STXBP5L: variants seen among roughly 807,000 people sequenced by gnomAD.
STXBP5L encodes syntaxin-binding protein 5-like.
A neutral mutation model predicts 144.5 loss-of-function variants in STXBP5L; 65 were observed. That is an observed-to-expected ratio of 0.45 (90% confidence interval 0.37 to 0.55). STXBP5L has a LOEUF of 0.55. STXBP5L is among the 20% of genes least tolerant of loss of function. The pLI is 0.00. For missense variants in STXBP5L, 1,298 were observed against 1,405.5 expected (o/e 0.92, Z 1.22); for synonymous variants, 505 against 469.6 (o/e 1.08, Z -0.97).
chr3:120,923,540 T>A (rs1709458805), intron 2 of STXBP5L, among the ~76,000 whole-genome samples: 1 of 152,090 alleles, frequency 6.6e-6, no homozygotes, highest in Non-Finnish European at 1.5e-5. Context: ...GTATTTCCAT[T>A]TTCATTTGTT....
chr3:121,095,909 T>C (rs1378710064), intron 5 of STXBP5L, among the ~76,000 whole-genome samples: 1 of 152,152 alleles, frequency 6.6e-6, no homozygotes, highest in Non-Finnish European at 1.5e-5. Flanking sequence ...TTCCCCATCT[T>C]TGTGATTTTA....
intron 9 of STXBP5L, among the ~76,000 whole-genome samples, chr3:121,201,188 G>A (rs2048123581): frequency 6.6e-6 from 1 of 152,134 alleles, no homozygotes; most frequent in African/African-American, 2.4e-5. Flanking sequence ...ATCCCAGTAT[G>A]TGGATACCAC....
chr3:121,077,881 A>T (rs1279389926), intron 5 of STXBP5L, among the ~76,000 whole-genome samples: 2 of 152,064 alleles, frequency 1.3e-5, no homozygotes, highest in African/African-American at 4.8e-5. Flanking sequence ...TGGTGTGTTT[A>T]CAAACCTTGA....
intron 5 of STXBP5L, among the ~76,000 whole-genome samples, chr3:121,079,628 A>G (rs537491278): frequency 5.3e-5 from 8 of 152,310 alleles, no homozygotes; most frequent in African/African-American, 1.4e-4. Context: ...CATGATTTGT[A>G]TAGTTTTGAA....
At chr3:121,208,034 G>GT (rs1250338535) in intron 10 of STXBP5L, among the ~76,000 whole-genome samples, 7 of 151,982 alleles carry the variant, frequency 4.6e-5, no homozygotes, top group Non-Finnish European at 7.4e-5. Context: ...ACATGCACAT[G>GT]TATGTTTATT....
intron 19 of STXBP5L, among the ~76,000 whole-genome samples, chr3:121,295,744 T>TGTA (rs1441556012): frequency 6.6e-6 from 1 of 152,182 alleles, no homozygotes; most frequent in East Asian, 1.9e-4. Flanking sequence ...GATAGTCTAC[T>TGTA]GACACCTACA....
At chr3:121,353,827 T>C (rs1271564772) in intron 20 of STXBP5L, among the ~76,000 whole-genome samples, 1 of 152,256 alleles carries the variant, frequency 6.6e-6, no homozygotes, top group Non-Finnish European at 1.5e-5. Context: ...TTTAGTGCTA[T>C]ACATTTCCCT....
At chr3:121,392,318 G>A (rs116834226) in intron 22 of STXBP5L, among the ~76,000 whole-genome samples, 5,436 of 152,190 alleles carry the variant, frequency 0.036, 145 homozygotes, top group Middle Eastern at 0.082. Flanking sequence ...AGCTTCCCTT[G>A]GCTAGGAAAG....
At chr3:121,045,204 T>C (rs575180875) in intron 4 of STXBP5L, among the ~76,000 whole-genome samples, 1 of 152,246 alleles carries the variant, frequency 6.6e-6, no homozygotes, top group African/African-American at 2.4e-5. Context: ...AAATAAATAT[T>C]CCTTAAGCTA....
chr3:121,265,788 A>G (rs1156916269), intron 18 of STXBP5L, among the ~76,000 whole-genome samples: 2 of 152,110 alleles, frequency 1.3e-5, no homozygotes. Context: ...GATAAAGGGG[A>G]TATCACCTCT....
At chr3:121,048,887 C>A (rs916379167) in intron 5 of STXBP5L, among the ~76,000 whole-genome samples, 11 of 152,094 alleles carry the variant, frequency 7.2e-5, no homozygotes, top group Non-Finnish European at 1.0e-4. Flanking sequence ...GGCATGTGGA[C>A]AAGTCTGGCT....
At chr3:121,066,001 A>G (rs2041526074) in intron 5 of STXBP5L, among the ~76,000 whole-genome samples, 1 of 152,170 alleles carries the variant, frequency 6.6e-6, no homozygotes, top group Non-Finnish European at 1.5e-5. Flanking sequence ...TTCAAAACCA[A>G]TAAGGGTGTG....
intron 3 of STXBP5L, among the ~76,000 whole-genome samples, chr3:120,971,807 T>A (rs1009942673): frequency 6.6e-6 from 1 of 151,624 alleles, no homozygotes; most frequent in Admixed American, 6.6e-5. Context: ...CACATATATA[T>A]ATATGTCTGT....
intron 10 of STXBP5L, among the ~76,000 whole-genome samples, 161 bp downstream of exon 10, chr3:121,206,162 G>T (rs1298809565): frequency 6.6e-6 from 1 of 152,034 alleles, no homozygotes; most frequent in East Asian, 1.9e-4. Context: ...TATCTCTGAT[G>T]ATTATTATTA....
intron 3 of STXBP5L, among the ~76,000 whole-genome samples, chr3:121,026,960 G>A (rs1210037516): frequency 6.6e-6 from 1 of 151,890 alleles, no homozygotes; most frequent in African/African-American, 2.4e-5. Context: ...GAAGCTCTGA[G>A]TAGACTTCTT....
At chr3:121,289,620 G>A (rs2051353954) in intron 19 of STXBP5L, among the ~76,000 whole-genome samples, 1 of 152,056 alleles carries the variant, frequency 6.6e-6, no homozygotes, top group Non-Finnish European at 1.5e-5. Flanking sequence ...TGAGCACATG[G>A]AACATTAACC....
rs1273804231 is a variant in STXBP5L at position 121,113,666 on chromosome 3, C to CTTTTTTTT, written c.471-1254_471-1253insTTTTTTTT. Among the ~76,000 whole-genome samples the CTTTTTTTT allele has an allele frequency of 3.0e-3, 399 of 132,786 alleles. 1 individual carries two copies. The highest frequency in any genetic ancestry group is 4.9e-3 in the African/African-American group (174 of 35,688). The allele number at this position is 132,786 out of a possible 152,430, so 87.1% of individuals were successfully genotyped here. A position where few individuals can be genotyped will look rare whatever the true frequency, so the allele number is the denominator to read the frequency against. On this transcript the variant is annotated intron_variant, in intron 5 of 26. Coordinates refer to ENST00000471454, the MANE Select transcript of STXBP5L (RefSeq NM_001308330.2). The stretch of plus-strand genomic sequence containing the variant: ...TGGATGTTCACTTTTATTCTTTTTT[C>CTTTTTTTT]TTTTTCTTTTTTTTTTTTTTTTTTG...
intron 6 of STXBP5L, among the ~76,000 whole-genome samples, chr3:121,116,549 C>G (rs1378400606): frequency 1.3e-5 from 2 of 152,008 alleles, no homozygotes; most frequent in African/African-American, 4.8e-5. Flanking sequence ...AAAGTAAATA[C>G]TAAATGATTG....
intron 14 of STXBP5L, among the ~76,000 whole-genome samples, chr3:121,250,332 A>C (rs2049990262): frequency 6.6e-6 from 1 of 151,934 alleles, no homozygotes; most frequent in African/African-American, 2.4e-5. Flanking sequence ...TATATTTTGA[A>C]ACTTAACTGA....
Sources: allele counts gnomAD v4.1 joint callset (sites outside exome capture counted in the v4.1 genomes callset), GRCh38; gene constraint gnomAD v4.1.1; transcripts MANE v1.5; gene names NCBI Gene and HGNC (gene_info 2026-07-23, HGNC 2026-07-21).